COBLL1: variants seen among roughly 807,000 people sequenced by gnomAD.
The protein encoded by COBLL1 is cordon-bleu protein-like 1.
A neutral mutation model predicts 94.8 loss-of-function variants in COBLL1; 50 were observed. The observed-to-expected ratio is 0.53, with a 90% confidence interval of 0.42 to 0.67. The LOEUF (loss-of-function observed/expected upper bound fraction) is 0.67. Ranked by LOEUF, COBLL1 falls within the 30% of genes least tolerant of loss-of-function variation. The pLI, the probability that COBLL1 is intolerant of heterozygous loss-of-function variation, is 0.00. For synonymous variants in COBLL1, 448 were observed against 473.8 expected, an observed-to-expected ratio of 0.95 and a Z score of 0.71; for missense variants, 1,362 against 1,348.7, an observed-to-expected ratio of 1.01 and a Z score of -0.15.
chr2:164,805,295 C>G (rs1037638392), intron 2 of COBLL1, among the ~76,000 whole-genome samples: 3,255 of 25,042 alleles, frequency 0.13, 355 homozygotes, highest in Admixed American at 0.16. Context: ...CTGTCTCTCT[C>G]TCTCTCTCTC....
At chr2:164,841,910 G>T (rs1041194292), upstream of COBLL1, 2 of 1,429,440 alleles carry the variant, frequency 1.4e-6, no homozygotes, top group Non-Finnish European at 9.5e-7. This position sits in a 1 kb window ranked among gnomAD's most constrained non-coding sequence, Gnocchi z 5.5. Context: ...GGGTGCGGGC[G>T]CTGGCTGGGC....
At chr2:164,818,308 A>T (rs13035588) in intron 2 of COBLL1, among the ~76,000 whole-genome samples, 10,825 of 149,100 alleles carry the variant, frequency 0.073, 502 homozygotes, top group Middle Eastern at 0.089. Flanking sequence ...ATATGTATAC[A>T]TATACACGTG....
intron 2 of COBLL1, among the ~76,000 whole-genome samples, chr2:164,776,824 A>G (rs1310342590): frequency 6.6e-6 from 1 of 152,188 alleles, no homozygotes; most frequent in Non-Finnish European, 1.5e-5. Context: ...GAACAACATT[A>G]TGATTAACAT....
At chr2:164,706,400 T>C (rs189244285) in intron 7 of COBLL1, among the ~76,000 whole-genome samples, 1 of 152,330 alleles carries the variant, frequency 6.6e-6, no homozygotes, top group East Asian at 1.9e-4. Context: ...TGTGAACACA[T>C]TCCATTTAGT....
At chr2:164,689,789 TC>T (rs1179938339) in intron 13 of COBLL1, among the ~76,000 whole-genome samples, 2 of 152,130 alleles carry the variant, frequency 1.3e-5, no homozygotes, top group African/African-American at 4.8e-5. Flanking sequence ...GCTTTTTGAT[TC>T]CCCCTTAAAT....
At chr2:164,736,305 GCT>G (rs763878996) in intron 3 of COBLL1, among the ~76,000 whole-genome samples, 3 of 152,106 alleles carry the variant, frequency 2.0e-5, no homozygotes, top group Non-Finnish European at 4.4e-5. Context: ...ATGAAGCAGT[GCT>G]CTCTCTGTGT....
At chr2:164,742,412 C>T (rs1470567449) in intron 3 of COBLL1, among the ~76,000 whole-genome samples, 1 of 151,752 alleles carries the variant, frequency 6.6e-6, no homozygotes, top group African/African-American at 2.4e-5. Flanking sequence ...CTTTATTACC[C>T]CCAGCCAGAT....
intron 3 of COBLL1, among the ~76,000 whole-genome samples, chr2:164,742,807 G>A (rs953841188): frequency 6.6e-6 from 1 of 151,920 alleles, no homozygotes; most frequent in Non-Finnish European, 1.5e-5. Context: ...TTATAAGAAT[G>A]CAATACCCAA....
rs542501969 is a variant in COBLL1 at position 164,691,834 on chromosome 2, A to T, written c.3300+387T>A. 1.2e-4 allele frequency among the ~76,000 whole-genome samples: 19 copies of T among 152,276 alleles called. 1 individual carries two copies. In the South Asian group the frequency reaches 3.9e-3, roughly 32 times the overall value. On this transcript the variant is annotated intron_variant, in intron 13 of 13. Transcript: ENST00000652658. Reference sequence around the variant, plus strand: ...CTAAGCCTCATATATGTTAGTAACTAATCATGGCAAGAGCTATGACTACAA... The same window carrying T: ...CTAAGCCTCATATATGTTAGTAACTTATCATGGCAAGAGCTATGACTACAA...
downstream of COBLL1, among the ~76,000 whole-genome samples, chr2:164,678,762 A>T (rs1248336987): frequency 2.0e-5 from 3 of 152,190 alleles, no homozygotes; most frequent in Non-Finnish European, 4.4e-5. Context: ...AAAAGGGACA[A>T]CTTACGTTTC....
In COBLL1 at chr2:164,740,897, A is replaced by C. The variant is rs551606389; in HGVS notation, c.230+2790T>G. ...TAGTGAGTTACACGAGGGGGGGAAA[A>C]GTTCATAAACGTATTGAGGTGAAAG... On this transcript the variant is annotated intron_variant, in intron 3 of 13. Transcript: ENST00000652658. 1.4e-4 allele frequency among the ~76,000 whole-genome samples: 21 copies of C among 152,228 alleles called. No homozygotes were observed. In the East Asian group the frequency reaches 4.1e-3, roughly 29 times the overall value.
intron 2 of COBLL1, chr2:164,779,710 C>T: frequency 4.2e-6 from 2 of 471,012 alleles, no homozygotes; most frequent in South Asian, 3.1e-5. Context: ...CCTTTTAGCT[C>T]CTCCAAACAG....
chr2:164,714,951 T>G (rs1685088285), intron 7 of COBLL1, among the ~76,000 whole-genome samples: 1 of 152,202 alleles, frequency 6.6e-6, no homozygotes, highest in African/African-American at 2.4e-5. Context: ...GAATAATATA[T>G]TTTTCCTTAA....
chr2:164,818,332 A>ATGTATACATACACACGTGTG (rs1356412039), intron 2 of COBLL1, among the ~76,000 whole-genome samples: 5 of 146,240 alleles, frequency 3.4e-5, no homozygotes, highest in Non-Finnish European at 6.0e-5. Flanking sequence ...ATGTATACAT[A>ATGTATACATACACACGTGTG]TATGTATATA....
intron 3 of COBLL1, among the ~76,000 whole-genome samples, chr2:164,739,417 T>C (rs566444509): frequency 1.3e-3 from 198 of 152,288 alleles, no homozygotes; most frequent in African/African-American, 4.6e-3. Context: ...GGGGGGACTT[T>C]CCAAAAATAT....
At chr2:164,806,862 G>C (rs1684184632) in intron 2 of COBLL1, among the ~76,000 whole-genome samples, 1 of 152,068 alleles carries the variant, frequency 6.6e-6, no homozygotes, top group African/African-American at 2.4e-5. Context: ...GCCACACTCG[G>C]CTAATTTTTC....
At chr2:164,712,385 T>C (rs926326808) in intron 7 of COBLL1, among the ~76,000 whole-genome samples, 4 of 152,262 alleles carry the variant, frequency 2.6e-5, no homozygotes, top group Middle Eastern at 6.8e-3. Context: ...GTGGGGTTAG[T>C]GGAGAGAATG....
intron 2 of COBLL1, among the ~76,000 whole-genome samples, chr2:164,748,373 G>A (rs1686973941): frequency 6.6e-6 from 1 of 152,010 alleles, no homozygotes; most frequent in Non-Finnish European, 1.5e-5. Flanking sequence ...CAGAGGCTCC[G>A]AAGTAATAAC....
chr2:164,686,806 T>C (rs953544350), intron 13 of COBLL1, among the ~76,000 whole-genome samples: 25 of 152,202 alleles, frequency 1.6e-4, no homozygotes, highest in African/African-American at 5.3e-4. Flanking sequence ...ATAATGAAGA[T>C]ATTTTAAGAC....
Sources: gnomAD v4.1 joint callset for allele counts (sites outside exome capture counted in the v4.1 genomes callset) on GRCh38, gnomAD v4.1.1 for gene constraint, Gnocchi (gnomAD v3.1) non-coding constraint, MANE v1.5 for transcripts, NCBI Gene and HGNC (gene_info 2026-07-23, HGNC 2026-07-21) for gene names.